TEP1: variants seen among roughly 807,000 people sequenced by gnomAD.
TEP1 encodes the protein telomerase associated protein 1.
Under a neutral mutation model 306.3 loss-of-function variants are expected in TEP1, and 241 were observed. The ratio of observed to expected loss-of-function variants is 0.79; its 90% CI spans 0.71 to 0.88. The LOEUF (loss-of-function observed/expected upper bound fraction) is 0.88, where lower values mean the gene tolerates loss of function less well. TEP1 is among the 40% of genes least tolerant of loss of function. The probability of loss-of-function intolerance (pLI) is 0.00; values close to 1 mark genes in which losing one functional copy is unlikely to be tolerated. For missense variants in TEP1, 3,051 were observed against 3,276.1 expected, an observed-to-expected ratio of 0.93 and a Z score of 1.68; for synonymous variants, 1,289 against 1,305.5, an observed-to-expected ratio of 0.99 and a Z score of 0.27.
intron 12 of TEP1, among the ~76,000 whole-genome samples, chr14:20,392,877 T>G (rs1289673770): frequency 6.6e-6 from 1 of 152,206 alleles, no homozygotes; most frequent in Non-Finnish European, 1.5e-5. Flanking sequence ...ATTTGACATT[T>G]GTTTTAAAAA....
intron 12 of TEP1, among the ~76,000 whole-genome samples, chr14:20,393,085 T>C (rs940352598): frequency 8.0e-4 from 122 of 151,786 alleles, no homozygotes; most frequent in Middle Eastern, 3.4e-3. Context: ...GGCGTGGTGG[T>C]GGGTGCCTGC....
Position 20,373,278 on chromosome 14 carries a change from T to A in TEP1, c.6806A>T (p.Lys2269Met). 6.2e-7 allele frequency: 1 copy of A among 1,614,084 alleles called. No individual in the cohort carries two copies. Among genetic ancestry groups the A allele is most frequent in the South Asian group, 1.1e-5 (1 of 91,074 alleles). Residue 2269 changes from lysine (K) to methionine (M), a missense_variant, in exon 47 of 55, where the codon AAG becomes ATG. Transcript: ENST00000262715. ...DGSVRLWQVPKEADDTCIPRS... is the reference protein window; with the variant it reads ...DGSVRLWQVPMEADDTCIPRS... ...CTCCAAGCCTCACTCACCTGCTTCC[T>A]TAGGAACCTGCCAGAGCCGTACAGA...
At position 20,373,074 on chromosome 14, in the gene TEP1, T is replaced by C. The variant is rs1451253975; in HGVS notation, c.6888A>G (p.Val2296=). ...TTAGTTCCCCAGCTTGATTTCCAGATACTGCCATGGAACCATCTGGTGCCC... is the reference window on the plus strand; with the variant it reads ...TTAGTTCCCCAGCTTGATTTCCAGACACTGCCATGGAACCATCTGGTGCCC... ...VAWAPDGSMA[V]SGNQAGELIL... is the part of the protein sequence containing the mutation. The change falls in exon 48 of 55, where the codon GTA becomes GTG. Residue 2296 remains valine, a synonymous_variant. Coordinates refer to ENST00000262715, the MANE Select transcript of TEP1 (RefSeq NM_007110.5). 1.9e-6 allele frequency: 3 copies of C among 1,614,082 alleles called. No individual in the cohort carries two copies. Among genetic ancestry groups the C allele is most frequent in the Non-Finnish European group, 2.5e-6 (3 of 1,180,042 alleles).
intron 19 of TEP1, 113 bp downstream of exon 19, chr14:20,386,334 C>A: frequency 6.3e-7 from 1 of 1,577,428 alleles, no homozygotes; most frequent in South Asian, 1.1e-5. Context: ...ATCCAAGGAG[C>A]GACTCCCGCC....
chr14:20,406,398 AC>A lies in TEP1; in HGVS notation c.569del (p.Gly190ValfsTer21). 1 of 1,613,752 alleles carries A rather than the reference AC, an allele frequency of 6.2e-7. No homozygotes were observed. The highest frequency in any genetic ancestry group is 8.5e-7 in the Non-Finnish European group (1 of 1,179,940). On this transcript the variant is annotated frameshift_variant and splice_region_variant, in exon 3 of 55. Coordinates refer to ENST00000262715, the MANE Select transcript of TEP1 (RefSeq NM_007110.5). LOFTEE classifies it high-confidence loss of function. ...TCTTCTCTTCTGAATCAAACCAACGACCCTGGGGTAGTAGTGGCAGTTATGA... is the reference window on the plus strand; with the variant it reads ...TCTTCTCTTCTGAATCAAACCAACGACCTGGGGTAGTAGTGGCAGTTATGA... ...ATETAQEATL[G>X]RWFDSEEKKG... is the part of the protein sequence containing the mutation.
intron 2 of TEP1, among the ~76,000 whole-genome samples, chr14:20,406,892 C>G (rs142076659): frequency 1.9e-4 from 29 of 152,308 alleles, no homozygotes; most frequent in African/African-American, 6.7e-4. Flanking sequence ...ATGCAAAGCC[C>G]TAAATCAATG....
intron 43 of TEP1, among the ~76,000 whole-genome samples, chr14:20,375,096 CA>C (rs1278388248): frequency 0.022 from 1,500 of 67,600 alleles, 19 homozygotes; most frequent in African/African-American, 0.072. Flanking sequence ...TGTCTCAAAA[CA>C]AAAAAAAAAA....
chr14:20,409,626 G>A (rs1003243538), intron 1 of TEP1, among the ~76,000 whole-genome samples: 1 of 152,164 alleles, frequency 6.6e-6, no homozygotes, highest in Non-Finnish European at 1.5e-5. Flanking sequence ...GGAGTTGGAA[G>A]TGAGACAGAC....
chr14:20,377,851 G>C (rs1885283346), intron 39 of TEP1, 98 bp from the exon 40 acceptor site: 44 of 1,527,402 alleles, frequency 2.9e-5, no homozygotes, highest in Non-Finnish European at 3.8e-5. Flanking sequence ...CCTCCTTCCA[G>C]AGACTCTTCT....
chr14:20,375,923 C>A, intron 42 of TEP1, 55 bp from the exon 43 acceptor site: 3 of 1,524,922 alleles, frequency 2.0e-6, no homozygotes, highest in Non-Finnish European at 2.7e-6. Flanking sequence ...GATGGGAACC[C>A]CGGAGCCATT....
At chr14:20,396,798 A>T in intron 9 of TEP1, 68 bp from the exon 10 acceptor site, 6 of 1,118,960 alleles carry the variant, frequency 5.4e-6, no homozygotes, top group Non-Finnish European at 6.5e-6. Context: ...ATGCACCTAT[A>T]ATCTCAGCTA....
At position 20,388,051 on chromosome 14, in the gene TEP1, C is replaced by T. The variant is rs747495659; in HGVS notation, c.2538G>A (p.Glu846=). ...CTDAILKFIA[E]HGASHLLEHV... ...GTTCCAGAAGATGGGAGGCCCCATG[C>T]TCTGCAATGAACCTGACATAAATAA... The change falls in exon 18 of 55, where the codon GAG becomes GAA. Residue 846 remains glutamate, a synonymous_variant. Transcript: ENST00000262715. The T allele has an allele frequency of 9.3e-6, 15 of 1,613,942 alleles. No individual in the cohort carries two copies. In the Admixed American group the frequency reaches 2.3e-4, roughly 25 times the overall value.
intron 35 of TEP1, 101 bp downstream of exon 35, chr14:20,379,829 T>G (rs780473874): frequency 1.8e-4 from 262 of 1,454,564 alleles, no homozygotes; most frequent in Non-Finnish European, 2.2e-4. Flanking sequence ...AGTTGCTGAA[T>G]TAATCAGAGT....
At chr14:20,395,094 A>G (rs1450097746) in intron 12 of TEP1, among the ~76,000 whole-genome samples, 1 of 152,194 alleles carries the variant, frequency 6.6e-6, no homozygotes, top group Non-Finnish European at 1.5e-5. Context: ...ACAAAAAGAA[A>G]AACAAACATG....
rs766720048 is a variant in TEP1, at chr14:20,404,743, G to A, written c.900C>T (p.Asn300=). The change falls in exon 5 of 55, where the codon AAC becomes AAT. Residue 300 remains asparagine, a synonymous_variant. Coordinates refer to ENST00000262715, the MANE Select transcript of TEP1 (RefSeq NM_007110.5). ...AGATGTTATTGGCCACATTCCGGAC[G>A]TTCAGCTGCTGCCTGGCATACAAAG... is the stretch of plus-strand genomic sequence containing the variant. ...KASLYARQQL[N]VRNVANNILA... is the part of the protein sequence containing the mutation. 60 of 1,612,660 alleles carry A rather than the reference G, an allele frequency of 3.7e-5. No individual in the cohort carries two copies. Among genetic ancestry groups the A allele is most frequent in the South Asian group, 3.0e-4 (27 of 90,842 alleles).
At chr14:20,401,638 T>C (rs570092902) in intron 7 of TEP1, 57 bp from the exon 8 acceptor site, 1 of 1,599,530 alleles carries the variant, frequency 6.3e-7, no homozygotes, top group African/African-American at 1.3e-5. Flanking sequence ...CATGGGAACT[T>C]TCTTCAATAA....
chr14:20,403,545 A>T, intron 6 of TEP1, 97 bp from the exon 7 acceptor site: 3 of 1,594,032 alleles, frequency 1.9e-6, no homozygotes, highest in Non-Finnish European at 2.6e-6. Flanking sequence ...ACCAAAAAGG[A>T]AGCCAACTAG....
At chr14:20,376,458 G>A (rs558683901) in intron 41 of TEP1, among the ~76,000 whole-genome samples, 194 bp from the exon 42 acceptor site, 274 of 152,262 alleles carry the variant, frequency 1.8e-3, no homozygotes, top group Middle Eastern at 0.014. Flanking sequence ...TACATAGGAC[G>A]GGAACGTGCG....
rs1212447066 is a variant in TEP1, at chr14:20,386,467, C to G, written c.2841G>C (p.Glu947Asp). The G allele has an allele frequency of 6.2e-7, 1 of 1,607,864 alleles. No individual in the cohort carries two copies. The highest frequency in any genetic ancestry group is 8.5e-7 in the Non-Finnish European group (1 of 1,176,590). Residue 947 changes from glutamate to aspartate, a missense_variant, in exon 19 of 55, where the codon GAG becomes GAC. By Grantham distance (45) the Glu-to-Asp change is conservative (BLOSUM62 2). Transcript: ENST00000262715. The part of the protein sequence containing the change: ...HGIDLRWGVT[E>D]EETRRNRQLE... ...CACACCTGTTCCTACGGGTCTCCTCCTCAGTGACGCCCCAGCGGAGGTCGA... is the reference window on the plus strand; with the variant it reads ...CACACCTGTTCCTACGGGTCTCCTCGTCAGTGACGCCCCAGCGGAGGTCGA...
Sources: allele counts gnomAD v4.1 joint callset (sites outside exome capture counted in the v4.1 genomes callset), GRCh38; gene constraint gnomAD v4.1.1; transcripts MANE v1.5; gene names NCBI Gene and HGNC (gene_info 2026-07-23, HGNC 2026-07-21).